Variants in ARHGEF3 observed in about 807,000 individuals in gnomAD.
ARHGEF3 encodes the protein 59.8 kDA protein.
In ARHGEF3, 28 loss-of-function variants were observed where a neutral mutation model predicts 63.2. That is an observed-to-expected ratio of 0.44 (90% CI 0.33 to 0.61). The LOEUF is 0.61. Ranked by LOEUF, ARHGEF3 falls within the 20% of genes least tolerant of loss-of-function variation. The pLI is 0.03. For synonymous variants in ARHGEF3, 266 were observed against 254.2 expected, an observed-to-expected ratio of 1.05 and a Z score of -0.44; for missense variants, 533 against 659.3, an observed-to-expected ratio of 0.81 and a Z score of 2.10.
In ARHGEF3 at chr3:57,030,073, C is replaced by T. The variant is rs1011526027; in HGVS notation, c.62+5015G>A. ...CCACCACGTCTAATGGGGAGGGCTT[C>T]GAGCACTATACAAACCAGCCTAACC... is the stretch of plus-strand genomic sequence containing the variant. On this transcript the variant is annotated intron_variant, in intron 2 of 12. Transcript: ENST00000338458. Among the ~76,000 whole-genome samples the T allele has an allele frequency of 4.6e-5, 7 of 152,186 alleles. No individual in the cohort carries two copies. The South Asian group carries it at 1.0e-3, about 22-fold the overall frequency.
chr3:56,892,185 GGAGAA>G (rs1486475848), intron 3 of ARHGEF3, among the ~76,000 whole-genome samples: 1 of 152,070 alleles, frequency 6.6e-6, no homozygotes, highest in Non-Finnish European at 1.5e-5. Context: ...CAGGGGAGCA[GGAGAA>G]AAGACAGAAA....
At chr3:56,796,989 CT>C (rs917876503) in intron 1 of ARHGEF3, among the ~76,000 whole-genome samples, 5 of 151,494 alleles carry the variant, frequency 3.3e-5, no homozygotes, top group Non-Finnish European at 5.9e-5. Flanking sequence ...TTTTAAGAAT[CT>C]TTTTTTTTGA....
At chr3:57,062,308 G>A (rs1312512242) in intron 1 of ARHGEF3, among the ~76,000 whole-genome samples, 1 of 152,152 alleles carries the variant, frequency 6.6e-6, no homozygotes, top group Non-Finnish European at 1.5e-5. Flanking sequence ...GGGTTAGGAT[G>A]ACCCTGAGGA....
At chr3:56,972,993 G>A (rs1700979413) in intron 2 of ARHGEF3, among the ~76,000 whole-genome samples, 1 of 151,332 alleles carries the variant, frequency 6.6e-6, no homozygotes, top group Admixed American at 6.6e-5. Context: ...GGGTGGTGAG[G>A]AGTAGTGGAA....
intron 1 of ARHGEF3, among the ~76,000 whole-genome samples, chr3:57,042,679 TATATATA>T (rs1704252905): frequency 2.8e-4 from 13 of 46,916 alleles, no homozygotes; most frequent in Non-Finnish European, 3.5e-4. Context: ...TATATATATA[TATATATA>T]TATATATATA....
chr3:57,058,080 G>A (rs953406585), intron 1 of ARHGEF3, among the ~76,000 whole-genome samples: 3 of 152,138 alleles, frequency 2.0e-5, no homozygotes, highest in Non-Finnish European at 4.4e-5. Flanking sequence ...TTCACCAAAA[G>A]CCGACTGTAA....
intron 1 of ARHGEF3, among the ~76,000 whole-genome samples, chr3:57,044,665 C>A (rs1237858244): frequency 6.6e-6 from 1 of 152,172 alleles, no homozygotes; most frequent in Non-Finnish European, 1.5e-5. Context: ...TGGGCATGGT[C>A]TCCATCACAT....
chr3:56,912,151 G>A (rs1387057417), intron 3 of ARHGEF3, among the ~76,000 whole-genome samples: 2 of 152,090 alleles, frequency 1.3e-5, no homozygotes, highest in African/African-American at 4.8e-5. Flanking sequence ...GGGCAGATAT[G>A]AAAACTATTT....
At chr3:56,750,291 C>T (rs748275534) in intron 6 of ARHGEF3, among the ~76,000 whole-genome samples, 5 of 152,136 alleles carry the variant, frequency 3.3e-5, no homozygotes, top group Non-Finnish European at 7.4e-5. Flanking sequence ...AGAGCACACG[C>T]CTTGTCTAGC....
chr3:56,795,655 CTTTT>C (rs11306302), intron 1 of ARHGEF3, among the ~76,000 whole-genome samples: 1 of 130,544 alleles, frequency 7.7e-6, no homozygotes, highest in East Asian at 2.6e-4. Flanking sequence ...GTCTCTCTCT[CTTTT>C]TTTTTTTTGA....
chr3:56,902,849 A>G (rs1285979059), intron 3 of ARHGEF3, among the ~76,000 whole-genome samples: 2 of 152,070 alleles, frequency 1.3e-5, no homozygotes, highest in Non-Finnish European at 2.9e-5. Context: ...ACTGGGCCTT[A>G]CCCCAAACAC....
chr3:56,926,128 C>A (rs1156850560), intron 3 of ARHGEF3, among the ~76,000 whole-genome samples: 1 of 152,214 alleles, frequency 6.6e-6, no homozygotes, highest in African/African-American at 2.4e-5. Context: ...AGCCAGGGAC[C>A]ATTCTCAGGG....
At position 56,807,110 on chromosome 3, in the gene ARHGEF3, C is replaced by G. The variant is rs746634564; in HGVS notation, c.193-33294G>C. ...ATGTTGGCCAGGCTGGTCTCGAACTCCTGACCTCAAGTGATCTGCCCCGCC... is the reference window on the plus strand; with the variant it reads ...ATGTTGGCCAGGCTGGTCTCGAACTGCTGACCTCAAGTGATCTGCCCCGCC... On this transcript the variant is annotated intron_variant, in intron 4 of 12. Coordinates refer to the ARHGEF3 transcript ENST00000338458. 9.2e-5 allele frequency among the ~76,000 whole-genome samples: 14 copies of G among 152,120 alleles called. 1 individual carries two copies. The highest frequency in any genetic ancestry group is 1.8e-4 in the Non-Finnish European group (12 of 68,016).
intron 2 of ARHGEF3, among the ~76,000 whole-genome samples, chr3:56,974,698 G>A (rs561573372): frequency 3.3e-5 from 5 of 151,692 alleles, no homozygotes; most frequent in East Asian, 1.9e-4. Context: ...CTGAATCATC[G>A]CACGTTTTCA....
At chr3:56,768,070 T>C (rs2035808296) in intron 2 of ARHGEF3, among the ~76,000 whole-genome samples, 1 of 151,792 alleles carries the variant, frequency 6.6e-6, no homozygotes, top group South Asian at 2.1e-4. Flanking sequence ...TATATATATA[T>C]TTTTGAGACA....
chr3:57,071,505 C>T (rs1705901649), intron 1 of ARHGEF3, among the ~76,000 whole-genome samples: 1 of 151,858 alleles, frequency 6.6e-6, no homozygotes, highest in Admixed American at 6.6e-5. Flanking sequence ...ACTAAAAATA[C>T]AAAAATCAGC....
chr3:57,009,094 T>C (rs1433249639), intron 2 of ARHGEF3, among the ~76,000 whole-genome samples: 1 of 152,220 alleles, frequency 6.6e-6, no homozygotes, highest in Non-Finnish European at 1.5e-5. Flanking sequence ...GCCCAAGCCA[T>C]TGCTCTCATT....
Position 56,745,277 on chromosome 3 carries a change from G to A in ARHGEF3, c.798C>T (p.Tyr266=). 1 of 1,614,080 alleles carries A rather than the reference G, an allele frequency of 6.2e-7. No individual in the cohort carries two copies. The highest frequency in any genetic ancestry group is 8.5e-7 in the Non-Finnish European group (1 of 1,180,020). Residue 266 remains tyrosine (Y), a synonymous_variant, in exon 7 of 10, where the codon TAC becomes TAT. Transcript: ENST00000296315. ...LDIPRSRLVK[Y]PLLLREILRH... ...TCAAGATTTCTCGGAGAAGCAGAGG[G>A]TATTTTACCAGGCGGCTTCTTGGAA...
At chr3:56,988,381 T>A (rs537019369) in intron 2 of ARHGEF3, among the ~76,000 whole-genome samples, 9 of 152,152 alleles carry the variant, frequency 5.9e-5, no homozygotes, top group African/African-American at 2.2e-4. Context: ...ACTCCTAATC[T>A]CGTGATCCAC....
Sources: gnomAD v4.1 joint callset for allele counts (sites outside exome capture counted in the v4.1 genomes callset) on GRCh38, gnomAD v4.1.1 for gene constraint, MANE v1.5 for transcripts, NCBI Gene and HGNC (gene_info 2026-07-23, HGNC 2026-07-21) for gene names.